MUC12: variants seen among roughly 807,000 people sequenced by gnomAD.
The protein encoded by MUC12 is mucin-12.
Under a neutral mutation model 230.8 loss-of-function variants are expected in MUC12, and 172 were observed. That is an observed-to-expected ratio of 0.75 (90% CI 0.66 to 0.85). The LOEUF is 0.85. MUC12 is among the 40% of genes least tolerant of loss of function. MUC12 has a pLI of 0.00. For synonymous variants in MUC12, 1,259 were observed against 2,401.9 expected (o/e 0.52, Z 13.91); for missense variants, 3,506 against 5,920.6 (o/e 0.59, Z 13.38).
intron 1 of MUC12, among the ~76,000 whole-genome samples, chr7:100,987,576 G>C (rs761032541): frequency 3.2e-4 from 49 of 152,220 alleles, no homozygotes; most frequent in Non-Finnish European, 6.6e-4. Flanking sequence ...GGGCCTTGTG[G>C]GAGTTGTTTG....
rs761439056 is a variant in MUC12, at chr7:100,992,867, A to T, written c.2304A>T (p.Thr768=). ...CCTCAGGCCGTAGTGAGGAATCAAC[A>T]GCATCGCACAGCAGCCAAGACGCAA... ...STTSGRSEES[T]ASHSSQDATG... The change falls in exon 2 of 12, where the codon ACA becomes ACT. Residue 768 remains threonine, a synonymous_variant. Transcript: ENST00000536621. 9 of 1,537,588 alleles carry T rather than the reference A, an allele frequency of 5.9e-6. No homozygotes were observed. The highest frequency in any genetic ancestry group is 7.8e-6 in the Non-Finnish European group (9 of 1,147,058).
chr7:101,008,932 C>T (rs1253586008), intron 4 of MUC12, among the ~76,000 whole-genome samples, 163 bp from the exon 5 acceptor site: 1 of 152,206 alleles, frequency 6.6e-6, no homozygotes, highest in Non-Finnish European at 1.5e-5. Context: ...TTCAGCCCCA[C>T]ATGACCCACA....
chr7:100,969,590 A>G lies in MUC12; in HGVS notation c.-33A>G, dbSNP rs1446606557. 1.2e-5 allele frequency: 19 copies of G among 1,537,282 alleles called. No individual in the cohort carries two copies. Among genetic ancestry groups the G allele is most frequent in the Non-Finnish European group, 1.7e-5 (19 of 1,146,936 alleles). Reference sequence around the variant, plus strand: ...ATTTCTTGGTCCCTCCTGATGAGAGAAGATGGGCAGCCAGGGGCCCGTTCC... The same window carrying G: ...ATTTCTTGGTCCCTCCTGATGAGAGGAGATGGGCAGCCAGGGGCCCGTTCC... On this transcript the variant is annotated 5_prime_UTR_variant, in exon 1 of 12. Coordinates refer to ENST00000536621, the MANE Select transcript of MUC12 (RefSeq NM_001164462.2).
At position 101,017,604 on chromosome 7, in the gene MUC12, C is replaced by T; in HGVS notation, c.15907C>T (p.Leu5303Phe). Residue 5303 changes from leucine to phenylalanine, a missense_variant, in exon 11 of 12, where the codon CTT becomes TTT. Physicochemically the swap from Leu to Phe is conservative, Grantham distance 22. Transcript: ENST00000536621. ...DQNLRESRFG[L>F]ENAYNNFRPT... ...GAATCTGAGGGAGAGCAGATTCGGC[C>T]TTGAGAACGCCTACAACAACTTCCG... The T allele has an allele frequency of 1.3e-6, 2 of 1,536,120 alleles. No homozygotes were observed. Among genetic ancestry groups the T allele is most frequent in the South Asian group, 2.4e-5 (2 of 84,052 alleles).
At chr7:100,986,331 G>A (rs1316681587) in intron 1 of MUC12, among the ~76,000 whole-genome samples, 1 of 151,726 alleles carries the variant, frequency 6.6e-6, no homozygotes, top group Admixed American at 6.6e-5. Flanking sequence ...GAAGTAGGAT[G>A]GTGATATAGT....
chr7:100,976,227 A>C (rs1168035167), intron 1 of MUC12, among the ~76,000 whole-genome samples: 2 of 151,770 alleles, frequency 1.3e-5, no homozygotes, highest in African/African-American at 4.8e-5. Context: ...GCAGTGAGCT[A>C]GGATCACACC....
In MUC12 at chr7:100,992,118, G is replaced by A. The variant is rs1428007952; in HGVS notation, c.1555G>A (p.Glu519Lys). The A allele has an allele frequency of 1.3e-6, 2 of 1,537,342 alleles. No homozygotes were observed. The highest frequency in any genetic ancestry group is 1.7e-6 in the Non-Finnish European group (2 of 1,146,756). Reference protein sequence around the residue: ...PASMTSSGVSEESTTSHSRPG... With the variant: ...PASMTSSGVSKESTTSHSRPG... The stretch of plus-strand genomic sequence containing the variant: ...CAGCATGACAAGCTCAGGCGTCAGT[G>A]AAGAATCCACCACCTCCCACAGCCG... The change falls in exon 2 of 12, where the codon GAA (glutamate) becomes AAA (lysine). Residue 519 changes from glutamate (E) to lysine (K), a missense_variant. Glu to Lys is a moderately conservative substitution (Grantham distance 56). Coordinates refer to ENST00000536621, the MANE Select transcript of MUC12 (RefSeq NM_001164462.2).
intron 1 of MUC12, among the ~76,000 whole-genome samples, chr7:100,987,226 C>G (rs919506401): frequency 1.3e-5 from 2 of 152,184 alleles, no homozygotes; most frequent in African/African-American, 4.8e-5. Flanking sequence ...GCTACCATGC[C>G]TGGCTAATTT....
rs1479918954 is a variant in MUC12, at chr7:100,990,476, T to A, written c.68-155T>A. 5.7e-6 allele frequency: 5 copies of A among 879,576 alleles called. No individual in the cohort carries two copies. In the Admixed American group the frequency reaches 1.4e-4, roughly 24 times the overall value. 54.5% of individuals were successfully genotyped at this position (879,576 alleles called of 1,614,324 possible). A position where few individuals can be genotyped will look rare whatever the true frequency, so the allele number is the denominator to read the frequency against. ...ATTTCTTCAAATCTACAGGTTCAACTGACACTTCCTATGCCCCCAAAAGGG... is the reference window on the plus strand; with the variant it reads ...ATTTCTTCAAATCTACAGGTTCAACAGACACTTCCTATGCCCCCAAAAGGG... On this transcript the variant is annotated intron_variant, in intron 1 of 11. Transcript: ENST00000536621.
chr7:100,983,355 G>A (rs939594429), intron 1 of MUC12, among the ~76,000 whole-genome samples: 4 of 151,634 alleles, frequency 2.6e-5, no homozygotes, highest in African/African-American at 9.7e-5. Flanking sequence ...GGGAGATGGA[G>A]GTTGCAGTGA....
intron 3 of MUC12, among the ~76,000 whole-genome samples, chr7:101,007,234 C>T: frequency 6.6e-6 from 1 of 152,262 alleles, no homozygotes; most frequent in East Asian, 1.9e-4. Flanking sequence ...GCTGGGATTA[C>T]AGGCATGAGC....
chr7:101,015,330 C>G (rs2116363769), intron 9 of MUC12: 1 of 431,624 alleles, frequency 2.3e-6, no homozygotes, highest in Admixed American at 4.0e-5. Context: ...AGTACCTGAC[C>G]CGAAGTCAGC....
At chr7:100,972,054 G>A (rs1792912952) in intron 1 of MUC12, 1 of 702,470 alleles carries the variant, frequency 1.4e-6, no homozygotes, top group Non-Finnish European at 2.6e-6. Flanking sequence ...AGGCAAGTAG[G>A]GCCACTCCGG....
chr7:100,995,661 C>T lies in MUC12; in HGVS notation c.5098C>T (p.Pro1700Ser), dbSNP rs377220169. ...CTGGCCAAGCTCAAAGGACACTATG[C>T]CTGCACCTCCTACTACCACATCAGC... ...QSWPSSKDTM[P>S]APPTTTSAFV... Residue 1700 changes from proline to serine, a missense_variant, in exon 2 of 12, where the codon CCT (proline) becomes TCT (serine). Physicochemically the swap from Pro to Ser is moderately conservative, Grantham distance 74. Transcript: ENST00000536621. 1 of 1,537,208 alleles carries T rather than the reference C, an allele frequency of 6.5e-7. No homozygotes were observed. The highest frequency in any genetic ancestry group is 2.4e-5 in the East Asian group (1 of 40,918).
chr7:100,991,716 G>A lies in MUC12; in HGVS notation c.1153G>A (p.Glu385Lys), dbSNP rs1460095846. Residue 385 changes from glutamate to lysine, a missense_variant, in exon 2 of 12, where the codon GAA (glutamate) becomes AAA (lysine). Glu to Lys is a moderately conservative substitution (Grantham distance 56). Transcript: ENST00000536621. ...ESSTTSGHSE[E>K]SATFHGSTTH... is the part of the protein sequence containing the mutation. ...CTCCACAACTTCAGGCCATAGTGAA[G>A]AATCAGCAACTTTCCACGGCAGCAC... 3.9e-6 allele frequency: 6 copies of A among 1,537,872 alleles called. No homozygotes were observed. In the African/African-American group the frequency reaches 6.8e-5, roughly 18 times the overall value.
chr7:100,987,160 T>C (rs539491959), intron 1 of MUC12, among the ~76,000 whole-genome samples: 202 of 141,604 alleles, frequency 1.4e-3, no homozygotes, highest in Non-Finnish European at 2.4e-3. Context: ...TCTGCCTCCC[T>C]GGTTCAAGCG....
Position 100,991,598 on chromosome 7 carries a change from A to T in MUC12, c.1035A>T (p.Pro345=). ...SSPVATATTP[P]PARSATSGHV... is the part of the protein sequence containing the mutation. ...CAGTTGCAACTGCAACAACACCCCC[A>T]CCTGCCCGCTCCGCGACCTCAGGCC... Residue 345 remains proline, a synonymous_variant, in exon 2 of 12, where the codon CCA becomes CCT. Coordinates refer to ENST00000536621, the MANE Select transcript of MUC12 (RefSeq NM_001164462.2). 1.3e-6 allele frequency: 2 copies of T among 1,502,392 alleles called. No homozygotes were observed. The highest frequency in any genetic ancestry group is 2.5e-5 in the South Asian group (2 of 81,488). The allele number at this position is 1,502,392 out of a possible 1,614,324, so 93.1% of individuals were successfully genotyped here.
At position 100,991,961 on chromosome 7, in the gene MUC12, G is replaced by T. The variant is rs774934044; in HGVS notation, c.1398G>T (p.Thr466=). Residue 466 remains threonine (T), a synonymous_variant, in exon 2 of 12, where the codon ACG becomes ACT. Coordinates refer to ENST00000536621, the MANE Select transcript of MUC12 (RefSeq NM_001164462.2). ...CCTCAGTTCTTGTTGGAGACTCGAC[G>T]CCCTCACCCATCAGTTCAGGCTCAA... ...STPSVLVGDS[T]PSPISSGSME... The T allele has an allele frequency of 3.3e-6, 5 of 1,537,652 alleles. No individual in the cohort carries two copies. Among genetic ancestry groups the T allele is most frequent in the Non-Finnish European group, 4.4e-6 (5 of 1,147,052 alleles).
At position 100,995,902 on chromosome 7, in the gene MUC12, A is replaced by G. The variant is rs1793475406; in HGVS notation, c.5339A>G (p.Gln1780Arg). Residue 1780 changes from glutamine to arginine, a missense_variant, in exon 2 of 12, where the codon CAA (glutamine) becomes CGA (arginine). Physicochemically the swap from Gln to Arg is conservative, Grantham distance 43. Coordinates refer to ENST00000536621, the MANE Select transcript of MUC12 (RefSeq NM_001164462.2). ...TAYHSSPGST[Q>R]TMHFPESSTA... ...TACCACAGCAGCCCGGGCTCAACTC[A>G]AACAATGCACTTCCCTGAAAGCTCC... The G allele has an allele frequency of 7.4e-7, 1 of 1,356,636 alleles. No individual in the cohort carries two copies. Among genetic ancestry groups the G allele is most frequent in the African/African-American group, 1.7e-5 (1 of 57,364 alleles). The allele number at this position is 1,356,636 out of a possible 1,614,324, so 84.0% of individuals were successfully genotyped here.
Sources: allele counts gnomAD v4.1 joint callset (sites outside exome capture counted in the v4.1 genomes callset), GRCh38; gene constraint gnomAD v4.1.1; transcripts MANE v1.5; gene names NCBI Gene and HGNC (gene_info 2026-07-23, HGNC 2026-07-21).